Variants in DTNB observed in about 807,000 individuals in gnomAD.
DTNB encodes dystrobrevin beta, also known as DTN-B.
A neutral mutation model predicts 90.7 loss-of-function variants in DTNB; 63 were observed. The observed-to-expected ratio is 0.69, with a 90% CI of 0.57 to 0.86. The LOEUF (loss-of-function observed/expected upper bound fraction) is 0.86. Among genes scored for constraint, DTNB ranks in the 40% least tolerant of loss-of-function variants. The pLI is 0.00. For missense variants in DTNB, 744 were observed against 807.1 expected, an observed-to-expected ratio of 0.92 and a Z score of 0.95; for synonymous variants, 277 against 286.7, an observed-to-expected ratio of 0.97 and a Z score of 0.34.
intron 8 of DTNB, among the ~76,000 whole-genome samples, chr2:25,535,304 G>A (rs2079264958): frequency 6.9e-6 from 1 of 145,270 alleles, no homozygotes; most frequent in Non-Finnish European, 1.5e-5. Context: ...CCCAGACGGG[G>A]GTGGCCAGGC....
rs2039669530 is a variant in DTNB at position 25,387,057 on chromosome 2, A to G, written c.1825+232T>C. 7 of 494,300 alleles carry G rather than the reference A, an allele frequency of 1.4e-5. No homozygotes were observed. Among genetic ancestry groups the G allele is most frequent in the Non-Finnish European group, 2.6e-5 (7 of 271,236 alleles). The allele number at this position is 494,300 out of a possible 1,614,324, so 30.6% of individuals were successfully genotyped here. ...AATTTCTCTACATTCAGCTTGCTCC[A>G]CAAGATGCACTCCTGAGATAGGCCT... On this transcript the variant is annotated intron_variant, in intron 18 of 20. Coordinates refer to ENST00000406818, the MANE Select transcript of DTNB (RefSeq NM_021907.5). This position sits in a 1 kb window ranked among gnomAD's most constrained non-coding sequence, Gnocchi z 4.5.
rs6729042 is a variant in DTNB, at chr2:25,526,374, T to A, written c.1001+5099A>T. Among the ~76,000 whole-genome samples the A allele has an allele frequency of 1.3e-3, 41 of 31,912 alleles. 1 individual carries two copies. Among genetic ancestry groups the A allele is most frequent in the East Asian group, 9.8e-3 (5 of 512 alleles). The allele number at this position is 31,912 out of a possible 152,430, so 20.9% of individuals were successfully genotyped here. ...ATAAATATATATAAATATATATATA[T>A]ATATATATATATATATATATATTTT... On this transcript the variant is annotated intron_variant, in intron 9 of 20. Coordinates refer to ENST00000406818, the MANE Select transcript of DTNB (RefSeq NM_021907.5).
At chr2:25,429,753 T>G (rs1477216862) in intron 14 of DTNB, among the ~76,000 whole-genome samples, 1 of 152,220 alleles carries the variant, frequency 6.6e-6, no homozygotes, top group East Asian at 1.9e-4. Context: ...AATCATGATT[T>G]GAAACTCTCC....
intron 10 of DTNB, among the ~76,000 whole-genome samples, chr2:25,463,428 G>A (rs2061320852): frequency 6.6e-6 from 1 of 152,154 alleles, no homozygotes; most frequent in Non-Finnish European, 1.5e-5. Context: ...TCTTGACTGT[G>A]CACTCTTCTG....
chr2:25,520,874 T>A (rs2076017918), intron 9 of DTNB, among the ~76,000 whole-genome samples: 1 of 152,186 alleles, frequency 6.6e-6, no homozygotes, highest in South Asian at 2.1e-4. Context: ...GTAATTACAG[T>A]TTTATAATTA....
intron 4 of DTNB, among the ~76,000 whole-genome samples, chr2:25,619,061 G>A (rs1418106138): frequency 6.6e-6 from 1 of 151,932 alleles, no homozygotes; most frequent in African/African-American, 2.4e-5. Context: ...CTCAAATTCT[G>A]TCTTTCAATA....
intron 6 of DTNB, among the ~76,000 whole-genome samples, chr2:25,581,709 T>C (rs973779755): frequency 3.3e-5 from 5 of 152,354 alleles, no homozygotes; most frequent in Admixed American, 2.6e-4. Context: ...TAATGAACTT[T>C]CTTTTTATTT....
intron 1 of DTNB, among the ~76,000 whole-genome samples, chr2:25,662,162 A>C (rs942039467): frequency 9.9e-5 from 15 of 151,944 alleles, no homozygotes; most frequent in Non-Finnish European, 2.1e-4. Context: ...TCTCAAAAAA[A>C]AAAAAACAAA....
chr2:25,526,376 TA>T (rs2077106092), intron 9 of DTNB, among the ~76,000 whole-genome samples: 1 of 49,960 alleles, frequency 2.0e-5, no homozygotes, highest in African/African-American at 1.3e-4. Flanking sequence ...TATATATATA[TA>T]TATATATATA....
At chr2:25,489,993 A>G (rs2067019183) in intron 9 of DTNB, among the ~76,000 whole-genome samples, 1 of 152,228 alleles carries the variant, frequency 6.6e-6, no homozygotes, top group Non-Finnish European at 1.5e-5. Context: ...TAAAAATTAC[A>G]GGCTGTGCAC....
chr2:25,501,533 C>T (rs1405228111), intron 9 of DTNB, among the ~76,000 whole-genome samples: 1 of 152,202 alleles, frequency 6.6e-6, no homozygotes, highest in African/African-American at 2.4e-5. Flanking sequence ...GTGTGAGCCA[C>T]CATGCCCAGC....
At chr2:25,518,599 G>A (rs531878345) in intron 9 of DTNB, among the ~76,000 whole-genome samples, 3 of 151,734 alleles carry the variant, frequency 2.0e-5, no homozygotes, top group African/African-American at 4.8e-5. Flanking sequence ...TCACACTCAC[G>A]TACACACACA....
chr2:25,427,367 T>A (rs551951775), intron 15 of DTNB, 168 bp downstream of exon 15: 13 of 532,156 alleles, frequency 2.4e-5, no homozygotes, highest in Non-Finnish European at 3.9e-5. Flanking sequence ...GGCTTTGCAC[T>A]AATTTAGATG....
At chr2:25,622,659 T>G (rs2073068752) in intron 4 of DTNB, among the ~76,000 whole-genome samples, 1 of 152,056 alleles carries the variant, frequency 6.6e-6, no homozygotes, top group African/African-American at 2.4e-5. Flanking sequence ...ATGTGAACAC[T>G]CTAGCCCACA....
chr2:25,615,250 G>A (rs979874724), intron 4 of DTNB, among the ~76,000 whole-genome samples: 2 of 152,178 alleles, frequency 1.3e-5, no homozygotes, highest in African/African-American at 4.8e-5. Flanking sequence ...CTACACTCCA[G>A]GAACTTCCAC....
chr2:25,654,585 CA>C (rs1302736633), intron 1 of DTNB, among the ~76,000 whole-genome samples: 1 of 152,172 alleles, frequency 6.6e-6, no homozygotes, highest in Non-Finnish European at 1.5e-5. Context: ...TATTCAACAG[CA>C]AAACAGTTGA....
intron 8 of DTNB, among the ~76,000 whole-genome samples, chr2:25,547,118 G>T (rs1478082816): frequency 6.6e-6 from 1 of 151,764 alleles, no homozygotes; most frequent in Non-Finnish European, 1.5e-5. Flanking sequence ...CAGAGTGCTG[G>T]GATTATAGCA....
At chr2:25,527,203 G>A (rs1269682252) in intron 9 of DTNB, among the ~76,000 whole-genome samples, 1 of 152,076 alleles carries the variant, frequency 6.6e-6, no homozygotes, top group African/African-American at 2.4e-5. Context: ...AACCTGAAAT[G>A]AGTAAGCTAA....
chr2:25,647,756 TTAAG>T (rs1160895412), intron 2 of DTNB, among the ~76,000 whole-genome samples: 1 of 151,790 alleles, frequency 6.6e-6, no homozygotes, highest in Non-Finnish European at 1.5e-5. Flanking sequence ...AAAGATATTT[TTAAG>T]TAATTAATAA....
Sources: gnomAD v4.1 joint callset for allele counts (sites outside exome capture counted in the v4.1 genomes callset) on GRCh38, gnomAD v4.1.1 for gene constraint, Gnocchi (gnomAD v3.1) non-coding constraint, MANE v1.5 for transcripts, NCBI Gene and HGNC (gene_info 2026-07-23, HGNC 2026-07-21) for gene names.